EML1: variants seen among roughly 807,000 people sequenced by gnomAD.
EML1 encodes EMAP like 1.
A neutral mutation model predicts 110.4 loss-of-function variants in EML1; 27 were observed. The observed-to-expected ratio is 0.24, with a 90% CI of 0.18 to 0.34. The LOEUF (loss-of-function observed/expected upper bound fraction) is 0.34, where lower values mean the gene tolerates loss of function less well. Among genes scored for constraint, EML1 ranks in the 10% least tolerant of loss-of-function variants. EML1 has a pLI of 1.00. For synonymous variants in EML1, 344 were observed against 385.8 expected (o/e 0.89, Z 1.27); for missense variants, 741 against 1,030.9 (o/e 0.72, Z 3.85).
At position 99,745,717 on chromosome 14, in the gene EML1, A is replaced by G. The variant is rs369231075; in HGVS notation, c.28+7857A>G. Among the ~76,000 whole-genome samples the G allele has an allele frequency of 7.9e-5, 12 of 152,244 alleles. 1 individual carries two copies. Among genetic ancestry groups the G allele is most frequent in the East Asian group, 7.7e-4 (4 of 5,192 alleles). ...GTTTAGAGAACTCTCTACCAAGTTT[A>G]AACACATCTTTTAGGAATCCTGCCT... On this transcript the variant is annotated intron_variant, in intron 1 of 10. Transcript: ENST00000554479.
chr14:99,884,801 G>T (rs2059446611), intron 4 of EML1, among the ~76,000 whole-genome samples: 1 of 152,214 alleles, frequency 6.6e-6, no homozygotes, highest in South Asian at 2.1e-4. Flanking sequence ...CTAGGAGGAG[G>T]AGGGGTTTTC....
intron 3 of EML1, among the ~76,000 whole-genome samples, chr14:99,869,192 T>A (rs952839877): frequency 1.6e-4 from 25 of 152,222 alleles, no homozygotes; most frequent in African/African-American, 6.0e-4. Flanking sequence ...TTGGTGGTGG[T>A]GGCAACCCTG....
intron 1 of EML1, among the ~76,000 whole-genome samples, chr14:99,775,501 GCTTCA>G (rs1335688711): frequency 6.6e-6 from 1 of 152,202 alleles, no homozygotes; most frequent in African/African-American, 2.4e-5. Context: ...TACAGCAAGT[GCTTCA>G]CTTCACAGGC....
intron 4 of EML1, among the ~76,000 whole-genome samples, chr14:99,879,390 G>A (rs1225289597): frequency 2.0e-5 from 3 of 151,706 alleles, no homozygotes; most frequent in Non-Finnish European, 4.4e-5. Context: ...TATTCTCTCT[G>A]TTTAGTAAAG....
intron 5 of EML1, chr14:99,894,341 A>T (rs188987362): frequency 1.2e-4 from 24 of 201,336 alleles, no homozygotes; most frequent in Middle Eastern, 3.6e-3. Context: ...GAAAGTAAAC[A>T]GTAAAATCTC....
intron 1 of EML1, among the ~76,000 whole-genome samples, chr14:99,755,724 G>T (rs574033909): frequency 2.0e-5 from 3 of 152,304 alleles, no homozygotes; most frequent in Admixed American, 6.5e-5. Context: ...AATTCACACA[G>T]ATGCTGACTG....
intron 7 of EML1, among the ~76,000 whole-genome samples, chr14:99,897,822 G>C (rs956404232): frequency 6.6e-6 from 1 of 152,168 alleles, no homozygotes; most frequent in South Asian, 2.1e-4. Context: ...TGGAAGGATG[G>C]ATGCGTGAAG....
chr14:99,762,357 C>T (rs375768754), intron 1 of EML1, among the ~76,000 whole-genome samples: 23 of 152,224 alleles, frequency 1.5e-4, no homozygotes, highest in African/African-American at 5.5e-4. Flanking sequence ...GCCCCCTGAA[C>T]AAGAAACAGA....
chr14:99,897,416 A>C lies in EML1; in HGVS notation c.827+122A>C. On this transcript the variant is annotated intron_variant, in intron 7 of 21. Coordinates refer to ENST00000262233, the MANE Select transcript of EML1 (RefSeq NM_004434.3). ...ACCCTGTCTCTAAAATAAATAAATA[A>C]ATAAATGTGATTCCTGTTGCACAGG... 3.9e-6 allele frequency: 4 copies of C among 1,013,138 alleles called. No individual in the cohort carries two copies. In the South Asian group the frequency reaches 8.7e-5, roughly 22 times the overall value. 62.8% of individuals were successfully genotyped at this position (1,013,138 alleles called of 1,614,324 possible).
At chr14:99,791,414 G>A (rs766196617), upstream of EML1, among the ~76,000 whole-genome samples, 9 of 152,148 alleles carry the variant, frequency 5.9e-5, no homozygotes, top group Non-Finnish European at 8.8e-5. Context: ...CCATTCCTTC[G>A]GAATGTCCTT....
intron 2 of EML1, among the ~76,000 whole-genome samples, chr14:99,852,910 C>T (rs2058836174): frequency 6.6e-6 from 1 of 152,156 alleles, no homozygotes; most frequent in Non-Finnish European, 1.5e-5. Flanking sequence ...CAAAGTGATT[C>T]AGGTATTTTA....
intron 1 of EML1, among the ~76,000 whole-genome samples, chr14:99,845,001 T>C (rs1371953077): frequency 1.3e-5 from 2 of 152,242 alleles, no homozygotes; most frequent in African/African-American, 2.4e-5. Context: ...TCGGTTTTTG[T>C]ATGAATATTG....
intron 13 of EML1, among the ~76,000 whole-genome samples, chr14:99,913,049 A>G (rs1024636037): frequency 6.6e-6 from 1 of 152,172 alleles, no homozygotes; most frequent in Non-Finnish European, 1.5e-5. Flanking sequence ...TAATGGGTGT[A>G]TTTTGCAATT....
At position 99,841,009 on chromosome 14, in the gene EML1, C is replaced by T. The variant is rs549542431; in HGVS notation, c.68-9844C>T. On this transcript the variant is annotated intron_variant, in intron 1 of 21. Transcript: ENST00000262233. ...GGGTGATGTAGGGGCTGCCCAGACCCATGGCATCCCTTGAAACTCAGAAAG... is the reference window on the plus strand; with the variant it reads ...GGGTGATGTAGGGGCTGCCCAGACCTATGGCATCCCTTGAAACTCAGAAAG... 4.6e-5 allele frequency among the ~76,000 whole-genome samples: 7 copies of T among 152,302 alleles called. No homozygotes were observed. The East Asian group carries it at 1.4e-3, about 29-fold the overall frequency.
intron 1 of EML1, among the ~76,000 whole-genome samples, chr14:99,754,978 C>G (rs921834567): frequency 1.6e-4 from 24 of 152,364 alleles, no homozygotes; most frequent in African/African-American, 5.8e-4. Context: ...ACCTAACCAG[C>G]TGTAATCCCG....
At chr14:99,790,876 G>C (rs1382127532), upstream of EML1, among the ~76,000 whole-genome samples, 1 of 62,388 alleles carries the variant, frequency 1.6e-5, no homozygotes, top group Non-Finnish European at 3.7e-5. Flanking sequence ...CTTTTTTTTT[G>C]TGACAGGGTC....
intron 1 of EML1, among the ~76,000 whole-genome samples, chr14:99,806,116 A>C (rs8021693): frequency 0.21 from 31,735 of 152,052 alleles, 3,965 homozygotes; most frequent in Non-Finnish European, 0.28. Context: ...TTTTGAAAAC[A>C]ATAGTTTCAT....
upstream of EML1, chr14:99,792,727 C>G (rs1323140453): frequency 6.6e-6 from 1 of 152,264 alleles, no homozygotes; most frequent in Non-Finnish European, 1.5e-5. Context: ...GGACTTCCAG[C>G]CTGGTACCAG....
At chr14:99,782,937 A>G (rs2057556839) in intron 1 of EML1, among the ~76,000 whole-genome samples, 1 of 152,118 alleles carries the variant, frequency 6.6e-6, no homozygotes, top group African/African-American at 2.4e-5. Flanking sequence ...ACCTGTATCA[A>G]TCTAGACAAT....
Sources: allele counts gnomAD v4.1 joint callset (sites outside exome capture counted in the v4.1 genomes callset), GRCh38; gene constraint gnomAD v4.1.1; transcripts MANE v1.5; gene names NCBI Gene and HGNC (gene_info 2026-07-23, HGNC 2026-07-21).